CACNB4: variants seen among roughly 807,000 people sequenced by gnomAD.
The protein encoded by CACNB4 is calcium voltage-gated channel auxiliary subunit beta 4, also known as voltage-dependent L-type calcium channel subunit beta-4.
A neutral mutation model predicts 71.2 loss-of-function variants in CACNB4; 32 were observed. That is an observed-to-expected ratio of 0.45 (90% confidence interval 0.34 to 0.60). The LOEUF is 0.60. Among genes scored for constraint, CACNB4 ranks in the 20% least tolerant of loss-of-function variants. The pLI is 0.01. For missense variants in CACNB4, 464 were observed against 647.9 expected (o/e 0.72, Z 3.08); for synonymous variants, 231 against 236.9 (o/e 0.97, Z 0.23).
intron 2 of CACNB4, among the ~76,000 whole-genome samples, chr2:151,911,145 T>G (rs981040154): frequency 1.3e-5 from 2 of 152,206 alleles, no homozygotes; most frequent in Non-Finnish European, 2.9e-5. Flanking sequence ...TTTTGCACAT[T>G]GATTTTGTGT....
intron 2 of CACNB4, among the ~76,000 whole-genome samples, chr2:152,096,938 T>C (rs1233064016): frequency 6.6e-6 from 1 of 152,156 alleles, no homozygotes; most frequent in Non-Finnish European, 1.5e-5. Context: ...CCACTAAAAA[T>C]AGGCACCTAC....
intron 2 of CACNB4, among the ~76,000 whole-genome samples, chr2:152,082,464 T>G (rs1431112723): frequency 1.3e-5 from 2 of 152,216 alleles, no homozygotes; most frequent in East Asian, 3.8e-4. Context: ...ACCAAAGTCC[T>G]TGATGCTTGA....
At chr2:151,861,304 T>C (rs62174458) in intron 9 of CACNB4, 669 of 154,886 alleles carry the variant, frequency 4.3e-3, no homozygotes, top group Non-Finnish European at 7.1e-3. Context: ...AATCTACCAG[T>C]CTGTGGCTAA....
intron 2 of CACNB4, among the ~76,000 whole-genome samples, chr2:151,921,676 C>G (rs1043594463): frequency 2.6e-5 from 4 of 152,148 alleles, no homozygotes; most frequent in African/African-American, 2.4e-5. Context: ...GTTTCCCTAC[C>G]CAAATTTCAT....
rs1291054515 is a variant in CACNB4, at chr2:152,025,519, T to G, written c.147+72811A>C. On this transcript the variant is annotated intron_variant, in intron 2 of 13. Transcript: ENST00000539935. ...AGACAAATATGCATTGTGCCTTAAA[T>G]GCAAAGGAAGTGGCTGTAACACTAA... 1.1e-4 allele frequency among the ~76,000 whole-genome samples: 16 copies of G among 152,292 alleles called. No homozygotes were observed. The East Asian group carries it at 3.1e-3, about 29-fold the overall frequency.
chr2:151,842,457 A>G (rs1421801592), intron 12 of CACNB4, among the ~76,000 whole-genome samples: 2 of 150,886 alleles, frequency 1.3e-5, no homozygotes, highest in African/African-American at 4.9e-5. Context: ...CAGCCTCCCA[A>G]GTAGCTGGGA....
At chr2:152,013,588 C>T (rs935216968) in intron 2 of CACNB4, among the ~76,000 whole-genome samples, 4 of 152,010 alleles carry the variant, frequency 2.6e-5, no homozygotes, top group African/African-American at 4.8e-5. Flanking sequence ...AGAGGGGATA[C>T]GCAGGGGGCC....
At chr2:151,945,445 C>A (rs1010700179) in intron 2 of CACNB4, among the ~76,000 whole-genome samples, 2 of 152,070 alleles carry the variant, frequency 1.3e-5, no homozygotes, top group Non-Finnish European at 2.9e-5. Context: ...GAGGTGGGGA[C>A]TGCTTGAGCC....
At chr2:151,947,620 T>G (rs2099865914) in intron 2 of CACNB4, among the ~76,000 whole-genome samples, 1 of 152,094 alleles carries the variant, frequency 6.6e-6, no homozygotes, top group South Asian at 2.1e-4. Context: ...ACTGCACGGC[T>G]CCCTTGGTAG....
chr2:151,933,185 A>AC (rs1389629318), intron 2 of CACNB4, among the ~76,000 whole-genome samples: 5 of 151,290 alleles, frequency 3.3e-5, no homozygotes, highest in African/African-American at 1.2e-4. Flanking sequence ...ACAAAAAAAA[A>AC]GCAAAAACCA....
Position 151,839,266 on chromosome 2 carries a change from G to A in CACNB4, c.1416C>T (p.Asn472=). The stretch of plus-strand genomic sequence containing the variant: ...TATGCTGAGAACTGGAAGACAAGCG[G>A]TTCCTACTCTTCCGAGCCCTTTCAT... ...YHNERARKSR[N]RLSSSSQHSR... Residue 472 remains asparagine, a synonymous_variant, in exon 14 of 14, where the codon AAC becomes AAT. Transcript: ENST00000539935. 1.2e-6 allele frequency: 2 copies of A among 1,613,660 alleles called. No individual in the cohort carries two copies. The highest frequency in any genetic ancestry group is 1.7e-6 in the Non-Finnish European group (2 of 1,179,644).
chr2:152,093,136 T>C (rs1688069792), intron 2 of CACNB4, among the ~76,000 whole-genome samples: 1 of 152,166 alleles, frequency 6.6e-6, no homozygotes, highest in Admixed American at 6.5e-5. Flanking sequence ...CATACATATA[T>C]TGTTTCTAGT....
chr2:151,889,231 G>A (rs1302023659), intron 2 of CACNB4, among the ~76,000 whole-genome samples: 1 of 152,002 alleles, frequency 6.6e-6, no homozygotes, highest in Non-Finnish European at 1.5e-5. Flanking sequence ...CATTTTGGGA[G>A]GCCGAGGCAG....
At chr2:151,959,934 T>G (rs1425316772) in intron 2 of CACNB4, among the ~76,000 whole-genome samples, 1 of 152,222 alleles carries the variant, frequency 6.6e-6, no homozygotes, top group East Asian at 1.9e-4. Context: ...GCTGAACTGA[T>G]GAAAAGCACC....
chr2:152,098,489 G>A lies in CACNB4; in HGVS notation c.64-76C>T. 1 of 1,436,430 alleles carries A rather than the reference G, an allele frequency of 7.0e-7. No homozygotes were observed. The highest frequency in any genetic ancestry group is 9.8e-7 in the Non-Finnish European group (1 of 1,019,772). 89.0% of individuals were successfully genotyped at this position (1,436,430 alleles called of 1,614,324 possible). The stretch of plus-strand genomic sequence containing the variant: ...AGAGCGGGGCGACCACCCCCGGCTG[G>A]AGTCCGCCTCCGGACCCGCTCCCTG... On this transcript the variant is annotated intron_variant, in intron 1 of 13. Transcript: ENST00000539935. The surrounding 1 kb of genome is among the most constrained non-coding windows in gnomAD (Gnocchi z 5.3).
chr2:152,075,300 C>T (rs1270649767), intron 2 of CACNB4, among the ~76,000 whole-genome samples: 1 of 152,128 alleles, frequency 6.6e-6, no homozygotes, highest in Non-Finnish European at 1.5e-5. Context: ...GGTGTTGCTT[C>T]TGAAGAAAAT....
chr2:152,019,331 C>G (rs12693209), intron 2 of CACNB4, among the ~76,000 whole-genome samples: 33,211 of 152,158 alleles, frequency 0.22, 3,793 homozygotes, highest in Middle Eastern at 0.4. Flanking sequence ...TTCAATCTCA[C>G]TTCTACGTTT....
chr2:152,082,709 T>C (rs1687428464), intron 2 of CACNB4, among the ~76,000 whole-genome samples: 1 of 152,190 alleles, frequency 6.6e-6, no homozygotes. Context: ...CCTGTATCAA[T>C]AGTTATGTGG....
chr2:151,839,824 TGAA>T (rs1462106615), intron 13 of CACNB4, among the ~76,000 whole-genome samples: 3 of 152,236 alleles, frequency 2.0e-5, no homozygotes, highest in Non-Finnish European at 4.4e-5. Context: ...TTGATCTAAC[TGAA>T]TATTCCTTAT....
Sources: gnomAD v4.1 joint callset for allele counts (sites outside exome capture counted in the v4.1 genomes callset) on GRCh38, gnomAD v4.1.1 for gene constraint, Gnocchi (gnomAD v3.1) non-coding constraint, MANE v1.5 for transcripts, NCBI Gene and HGNC (gene_info 2026-07-23, HGNC 2026-07-21) for gene names.